Variants in UBASH3B observed in about 807,000 individuals in gnomAD.
UBASH3B encodes the protein ubiquitin-associated and SH3 domain-containing protein B.
UBASH3B carries 37 observed loss-of-function variants against 83.4 expected under a neutral mutation model. The observed-to-expected ratio is 0.44, with a 90% confidence interval of 0.34 to 0.58. The LOEUF (loss-of-function observed/expected upper bound fraction) is 0.58, where lower values mean the gene tolerates loss of function less well. Ranked by LOEUF, UBASH3B falls within the 20% of genes least tolerant of loss-of-function variation. The probability of loss-of-function intolerance (pLI) is 0.01; values close to 1 mark genes in which losing one functional copy is unlikely to be tolerated. For synonymous variants in UBASH3B, 304 were observed against 318.3 expected (o/e 0.96, Z 0.48); for missense variants, 657 against 827.2 (o/e 0.79, Z 2.52).
chr11:122,754,381 G>A (rs1861250989), intron 1 of UBASH3B, among the ~76,000 whole-genome samples: 1 of 152,196 alleles, frequency 6.6e-6, no homozygotes, highest in South Asian at 2.1e-4. Flanking sequence ...CTTTACTAGT[G>A]AACATAGAAC....
chr11:122,804,380 C>G (rs1346445233), intron 11 of UBASH3B, among the ~76,000 whole-genome samples: 3 of 152,110 alleles, frequency 2.0e-5, no homozygotes, highest in African/African-American at 7.2e-5. Flanking sequence ...AGGATATGGG[C>G]AAGTTTCCTT....
chr11:122,761,779 C>CTTTTTTTTTTTTTTTT (rs138806467), intron 1 of UBASH3B, among the ~76,000 whole-genome samples: 1 of 65,380 alleles, frequency 1.5e-5, no homozygotes, highest in Non-Finnish European at 2.7e-5. Context: ...CTCCCAGATC[C>CTTTTTTTTTTTTTTTT]TTTTTTTTTT....
intron 1 of UBASH3B, among the ~76,000 whole-genome samples, chr11:122,702,211 C>T (rs114233314): frequency 4.2e-4 from 64 of 152,178 alleles, no homozygotes; most frequent in African/African-American, 1.5e-3. Flanking sequence ...CTAGGAAAAC[C>T]GAATTATTTG....
chr11:122,724,895 C>T (rs1053199766), intron 1 of UBASH3B, among the ~76,000 whole-genome samples: 1 of 152,040 alleles, frequency 6.6e-6, no homozygotes, highest in Non-Finnish European at 1.5e-5. Context: ...AGGAAAGGCA[C>T]TTGGGACTCA....
chr11:122,685,555 C>T (rs1161300083), intron 1 of UBASH3B, among the ~76,000 whole-genome samples: 1 of 152,140 alleles, frequency 6.6e-6, no homozygotes, highest in East Asian at 1.9e-4. Context: ...GTCGCTCTGT[C>T]ACCCAAGCTG....
At chr11:122,763,370 G>C (rs11218798) in intron 1 of UBASH3B, among the ~76,000 whole-genome samples, 4 of 152,030 alleles carry the variant, frequency 2.6e-5, no homozygotes, top group Non-Finnish European at 5.9e-5. Context: ...TAAAAACATC[G>C]GGAAACCTAA....
At chr11:122,739,639 G>A (rs1329450338) in intron 1 of UBASH3B, among the ~76,000 whole-genome samples, 2 of 152,150 alleles carry the variant, frequency 1.3e-5, no homozygotes, top group Non-Finnish European at 2.9e-5. Flanking sequence ...TTGCAATACT[G>A]AAGGAAAAAA....
intron 1 of UBASH3B, among the ~76,000 whole-genome samples, chr11:122,658,964 T>C (rs1183179838): frequency 6.6e-6 from 1 of 152,210 alleles, no homozygotes; most frequent in Admixed American, 6.5e-5. Flanking sequence ...CTGGAGGCTC[T>C]AGGGGAATCC....
chr11:122,682,922 C>T (rs1863760465), intron 1 of UBASH3B, among the ~76,000 whole-genome samples: 1 of 152,192 alleles, frequency 6.6e-6, no homozygotes, highest in African/African-American at 2.4e-5. Flanking sequence ...CAATACCACC[C>T]ACTTCCCCAC....
chr11:122,686,206 G>A (rs1863806654), intron 1 of UBASH3B, among the ~76,000 whole-genome samples: 1 of 152,224 alleles, frequency 6.6e-6, no homozygotes, highest in Non-Finnish European at 1.5e-5. Flanking sequence ...CTGCTTAAGT[G>A]CTTAGCAAAA....
chr11:122,694,571 T>C (rs1863937669), intron 1 of UBASH3B, among the ~76,000 whole-genome samples: 1 of 151,956 alleles, frequency 6.6e-6, no homozygotes. Flanking sequence ...ACTCTGTCTC[T>C]AAAAAAACTT....
chr11:122,713,745 CAA>C (rs34816613), intron 1 of UBASH3B, among the ~76,000 whole-genome samples: 19,199 of 108,852 alleles, frequency 0.18, 1,317 homozygotes, highest in African/African-American at 0.23. Context: ...GACTCCATCT[CAA>C]AAAAAAAAAA....
intron 1 of UBASH3B, among the ~76,000 whole-genome samples, chr11:122,744,202 G>A (rs541226853): frequency 6.6e-6 from 1 of 152,162 alleles, no homozygotes; most frequent in Admixed American, 6.5e-5. Context: ...GAGTACTGCC[G>A]CTTGAATGGC....
chr11:122,808,455 G>A (rs560582507), intron 13 of UBASH3B, among the ~76,000 whole-genome samples: 1 of 152,324 alleles, frequency 6.6e-6, no homozygotes, highest in South Asian at 2.1e-4. Context: ...GGATTTCCCT[G>A]AGGGACCTTC....
At chr11:122,658,690 C>T (rs1863395087) in intron 1 of UBASH3B, among the ~76,000 whole-genome samples, 1 of 152,164 alleles carries the variant, frequency 6.6e-6, no homozygotes, top group Admixed American at 6.5e-5. Flanking sequence ...TCTGCACAGC[C>T]CAGGCCTCAC....
chr11:122,661,859 CAAAA>C (rs34663505), intron 1 of UBASH3B, among the ~76,000 whole-genome samples: 2 of 105,512 alleles, frequency 1.9e-5, no homozygotes, highest in Non-Finnish European at 1.9e-5. Flanking sequence ...GTCCTGGTTC[CAAAA>C]AAAAAAAAAA....
chr11:122,736,407 A>C (rs1860932957), intron 1 of UBASH3B, among the ~76,000 whole-genome samples: 1 of 152,108 alleles, frequency 6.6e-6, no homozygotes, highest in Non-Finnish European at 1.5e-5. Flanking sequence ...GGCATGCAGA[A>C]GGGAGACCTG....
intron 1 of UBASH3B, among the ~76,000 whole-genome samples, chr11:122,700,705 C>A (rs1415129589): frequency 6.6e-6 from 1 of 152,146 alleles, no homozygotes; most frequent in Non-Finnish European, 1.5e-5. Flanking sequence ...CCATGTTGGT[C>A]AAGCTGGTCT....
chr11:122,745,286 G>GTC (rs1403774538), intron 1 of UBASH3B, among the ~76,000 whole-genome samples: 1 of 152,218 alleles, frequency 6.6e-6, no homozygotes, highest in African/African-American at 2.4e-5. Context: ...CAGGCAGCAC[G>GTC]TCTAGTCCAT....
Sources: allele counts gnomAD v4.1 joint callset (sites outside exome capture counted in the v4.1 genomes callset), GRCh38; gene constraint gnomAD v4.1.1; transcripts MANE v1.5; gene names NCBI Gene and HGNC (gene_info 2026-07-23, HGNC 2026-07-21).